TMEM132B: variants seen among roughly 807,000 people sequenced by gnomAD.
TMEM132B encodes the protein transmembrane protein 132B.
In TMEM132B, 18 loss-of-function variants were observed where a neutral mutation model predicts 90.8. The ratio of observed to expected loss-of-function variants is 0.20; its 90% CI spans 0.14 to 0.29. The LOEUF is 0.29. TMEM132B is among the 10% of genes least tolerant of loss of function. The probability of loss-of-function intolerance (pLI) is 1.00; values close to 1 mark genes in which losing one functional copy is unlikely to be tolerated. For missense variants in TMEM132B, 1,096 were observed against 1,326.8 expected, an observed-to-expected ratio of 0.83 and a Z score of 2.70; for synonymous variants, 504 against 523.3, an observed-to-expected ratio of 0.96 and a Z score of 0.50.
At chr12:125,329,440 C>T (rs1486006543) in intron 1 of TMEM132B, among the ~76,000 whole-genome samples, 3 of 152,222 alleles carry the variant, frequency 2.0e-5, no homozygotes, top group Non-Finnish European at 4.4e-5. Flanking sequence ...GGCTGAGTCA[C>T]TCACCAGGCA....
chr12:125,515,301 C>G (rs762304523), intron 3 of TMEM132B, among the ~76,000 whole-genome samples: 3 of 151,872 alleles, frequency 2.0e-5, no homozygotes, highest in Non-Finnish European at 4.4e-5. Flanking sequence ...CACACTCATA[C>G]ACACTATTCA....
rs142181296 is a variant in TMEM132B at position 125,536,276 on chromosome 12, T to A, written c.1293+16651T>A. Among the ~76,000 whole-genome samples, 280 of 152,282 alleles carry A rather than the reference T, an allele frequency of 1.8e-3. 1 individual carries two copies. The highest frequency in any genetic ancestry group is 6.3e-3 in the African/African-American group (260 of 41,560). On this transcript the variant is annotated intron_variant, in intron 4 of 8. Coordinates refer to ENST00000682704, the MANE Select transcript of TMEM132B (RefSeq NM_001366854.1). ...AGGCTGCTGTCCTTAAGAGGCGCCA[T>A]CTCCCAGGGACGATGCCATCCATCT... is the stretch of plus-strand genomic sequence containing the variant.
At chr12:125,398,222 T>A (rs1167531829) in intron 2 of TMEM132B, among the ~76,000 whole-genome samples, 1 of 152,178 alleles carries the variant, frequency 6.6e-6, no homozygotes, top group Non-Finnish European at 1.5e-5. Flanking sequence ...CCTAATCCTC[T>A]AAATGCTGAC....
At chr12:125,653,116 C>T (rs1886967973) in intron 8 of TMEM132B, among the ~76,000 whole-genome samples, 1 of 152,218 alleles carries the variant, frequency 6.6e-6, no homozygotes, top group Non-Finnish European at 1.5e-5. Flanking sequence ...TCAAGCCAGC[C>T]AGCCTCACAA....
intron 1 of TMEM132B, among the ~76,000 whole-genome samples, chr12:125,218,769 GTTTTTTT>G (rs34905706): frequency 9.2e-6 from 1 of 108,854 alleles, no homozygotes; most frequent in African/African-American, 3.5e-5. Flanking sequence ...TGTTGAAGCT[GTTTTTTT>G]TTTTTTTTTT....
Position 125,650,757 on chromosome 12 carries a change from C to A in TMEM132B, c.1718C>A (p.Ala573Asp). The A allele has an allele frequency of 6.2e-7, 1 of 1,614,246 alleles. No homozygotes were observed. Among genetic ancestry groups the A allele is most frequent in the South Asian group, 1.1e-5 (1 of 91,084 alleles). ...GGCTGCTCCCTGCAGTACCAGCACGCCACAGTGCGTGTCCTCACCCAGTTT... is the reference window on the plus strand; with the variant it reads ...GGCTGCTCCCTGCAGTACCAGCACGACACAGTGCGTGTCCTCACCCAGTTT... ...GRGCSLQYQH[A>D]TVRVLTQFVA... Residue 573 changes from alanine to aspartate, a missense_variant, in exon 7 of 9, where the codon GCC becomes GAC. By Grantham distance (126) the Ala-to-Asp change is moderately radical (BLOSUM62 -2). Transcript: ENST00000682704.
chr12:125,642,379 T>TTC (rs1886654625), intron 5 of TMEM132B, among the ~76,000 whole-genome samples: 1 of 152,250 alleles, frequency 6.6e-6, no homozygotes, highest in Non-Finnish European at 1.5e-5. Flanking sequence ...ATTGTTGTTC[T>TTC]TCTCTCTCTT....
chr12:125,558,739 A>G (rs949095156), intron 4 of TMEM132B, among the ~76,000 whole-genome samples: 2 of 152,216 alleles, frequency 1.3e-5, no homozygotes, highest in African/African-American at 4.8e-5. Context: ...CAAGAAGATG[A>G]GTCTAATCAA....
intron 4 of TMEM132B, among the ~76,000 whole-genome samples, chr12:125,545,553 A>G (rs2136742770): frequency 6.6e-6 from 1 of 152,306 alleles, no homozygotes; most frequent in Non-Finnish European, 1.5e-5. Flanking sequence ...TGGTGCTGAC[A>G]CCGTCCTGTT....
chr12:125,644,092 A>T lies in TMEM132B; in HGVS notation c.1454A>T (p.Asp485Val). The T allele has an allele frequency of 6.2e-7, 1 of 1,614,212 alleles. No individual in the cohort carries two copies. The highest frequency in any genetic ancestry group is 8.5e-7 in the Non-Finnish European group (1 of 1,180,036). Residue 485 changes from aspartate to valine, a missense_variant, in exon 6 of 9, where the codon GAT (aspartate) becomes GTT (valine). Physicochemically the swap from Asp to Val is radical, Grantham distance 152 (BLOSUM62 -3). Transcript: ENST00000682704. ...EDVIKVSNNC[D>V]SIFVNGKEMK... ...TTCCCAAAGGTTTCCAACAACTGTGATTCCATTTTTGTGAATGGGAAGGAA... is the reference window on the plus strand; with the variant it reads ...TTCCCAAAGGTTTCCAACAACTGTGTTTCCATTTTTGTGAATGGGAAGGAA...
intron 6 of TMEM132B, among the ~76,000 whole-genome samples, chr12:125,649,592 G>A (rs750624501): frequency 1.6e-4 from 25 of 152,188 alleles, no homozygotes; most frequent in African/African-American, 7.2e-5. Flanking sequence ...TGTGTGCTGC[G>A]TGGGCGATGG....
rs1290969747 is a variant in TMEM132B at position 125,277,346 on chromosome 12, G to C, written c.68-72106G>C. Among the ~76,000 whole-genome samples the C allele has an allele frequency of 6.6e-6, 1 of 152,084 alleles. No homozygotes were observed. Among genetic ancestry groups the C allele is most frequent in the Non-Finnish European group, 1.5e-5 (1 of 67,994 alleles). ...ATACAAAAATTAGCTGGGCGTGGTG[G>C]TGGGCTCCTGTAATCCCAGCTACTC... On this transcript the variant is annotated intron_variant, in intron 1 of 8. Coordinates refer to ENST00000682704, the MANE Select transcript of TMEM132B (RefSeq NM_001366854.1). The surrounding 1 kb of genome is among the most constrained non-coding windows in gnomAD (Gnocchi z 4.3).
At chr12:125,464,379 A>G (rs936346610) in intron 3 of TMEM132B, among the ~76,000 whole-genome samples, 1 of 152,158 alleles carries the variant, frequency 6.6e-6, no homozygotes, top group Non-Finnish European at 1.5e-5. Flanking sequence ...GGAAGTAGCC[A>G]TGGCTTCCTC....
chr12:125,648,823 A>G (rs917857566), intron 6 of TMEM132B, among the ~76,000 whole-genome samples: 1 of 152,204 alleles, frequency 6.6e-6, no homozygotes, highest in African/African-American at 2.4e-5. Context: ...GTCATTTATC[A>G]TAAAATAAAT....
chr12:125,401,298 C>T (rs569216100), intron 2 of TMEM132B, among the ~76,000 whole-genome samples: 66 of 152,246 alleles, frequency 4.3e-4, no homozygotes, highest in East Asian at 5.8e-4. Flanking sequence ...ACAGAAACTG[C>T]GGAATCTTTG....
rs570987508 is a variant in TMEM132B, at chr12:125,288,446, G to C, written c.68-61006G>C. On this transcript the variant is annotated intron_variant, in intron 1 of 8. Coordinates refer to ENST00000682704, the MANE Select transcript of TMEM132B (RefSeq NM_001366854.1). ...CCACTGCACTCCAGCCTGGGCGACA[G>C]AGCAAGACTCCATCTCAAAAAAAAA... 6.3e-5 allele frequency among the ~76,000 whole-genome samples: 8 copies of C among 126,494 alleles called. No homozygotes were observed. The South Asian group carries it at 1.4e-3, about 22-fold the overall frequency. The allele number at this position is 126,494 out of a possible 152,430, so 83.0% of individuals were successfully genotyped here. A position where few individuals can be genotyped will look rare whatever the true frequency, so the allele number is the denominator to read the frequency against.
intron 3 of TMEM132B, among the ~76,000 whole-genome samples, chr12:125,470,878 C>T (rs902361953): frequency 6.6e-6 from 1 of 152,210 alleles, no homozygotes; most frequent in Non-Finnish European, 1.5e-5. Context: ...CCTGTCTCCC[C>T]TGCACTGCCA....
intron 4 of TMEM132B, among the ~76,000 whole-genome samples, chr12:125,564,633 A>G (rs1276020667): frequency 6.6e-6 from 1 of 152,116 alleles, no homozygotes; most frequent in Non-Finnish European, 1.5e-5. Flanking sequence ...AACTATTTCG[A>G]TCTTTTCTTT....
At chr12:125,199,588 G>A (rs1873008396) in intron 1 of TMEM132B, among the ~76,000 whole-genome samples, 1 of 152,178 alleles carries the variant, frequency 6.6e-6, no homozygotes, top group African/African-American at 2.4e-5. Flanking sequence ...ATCAGTGAGT[G>A]AAGAGACTTA....
Sources: gnomAD v4.1 joint callset for allele counts (sites outside exome capture counted in the v4.1 genomes callset) on GRCh38, gnomAD v4.1.1 for gene constraint, Gnocchi (gnomAD v3.1) non-coding constraint, MANE v1.5 for transcripts, NCBI Gene and HGNC (gene_info 2026-07-23, HGNC 2026-07-21) for gene names.